KDM4B: variants seen among roughly 807,000 people sequenced by gnomAD.
KDM4B encodes the protein lysine demethylase 4B.
In KDM4B, 32 loss-of-function variants were observed where a neutral mutation model predicts 125.2. The observed-to-expected ratio is 0.26, with a 90% confidence interval of 0.19 to 0.34. The LOEUF is 0.34. Among genes scored for constraint, KDM4B ranks in the 10% least tolerant of loss-of-function variants. The pLI is 1.00. For missense variants in KDM4B, 1,190 were observed against 1,577.7 expected (o/e 0.75, Z 4.16); for synonymous variants, 721 against 677.9 (o/e 1.06, Z -0.99).
At chr19:4,983,304 C>T (rs931613311) in intron 1 of KDM4B, among the ~76,000 whole-genome samples, 13 of 152,106 alleles carry the variant, frequency 8.5e-5, no homozygotes, top group South Asian at 2.1e-4. Context: ...CCAGGGCCCA[C>T]GCTCCTTCCT....
chr19:5,113,889 GC>G (rs1238277905), intron 10 of KDM4B: 4 of 1,195,626 alleles, frequency 3.3e-6, no homozygotes, highest in Non-Finnish European at 4.2e-6. Context: ...TTTACCAGGT[GC>G]CCCATGGGGT....
At chr19:5,077,539 C>A in intron 8 of KDM4B, 69 bp downstream of exon 8, 1 of 1,303,132 alleles carries the variant, frequency 7.7e-7, no homozygotes, top group Non-Finnish European at 1.1e-6. Flanking sequence ...GGTGGCCGCA[C>A]ATACCCCAGG....
At chr19:5,046,585 G>A (rs1046270770) in intron 5 of KDM4B, among the ~76,000 whole-genome samples, 6 of 152,200 alleles carry the variant, frequency 3.9e-5, no homozygotes, top group African/African-American at 1.2e-4. Context: ...GAGCCTCTCC[G>A]GGGACTGCAG....
intron 5 of KDM4B, among the ~76,000 whole-genome samples, chr19:5,041,673 G>C (rs931862937): frequency 3.3e-5 from 5 of 152,224 alleles, no homozygotes; most frequent in Admixed American, 3.3e-4. Flanking sequence ...ACTGGGGTGA[G>C]GGGATCTCCC....
chr19:5,093,401 C>T (rs925300601), intron 9 of KDM4B, among the ~76,000 whole-genome samples: 1 of 152,196 alleles, frequency 6.6e-6, no homozygotes, highest in Non-Finnish European at 1.5e-5. Flanking sequence ...GGCAGGGAGC[C>T]GCTTTCTGTG....
rs926520482 is a variant in KDM4B, at chr19:5,142,248, C to G, written c.2551-1719C>G. On this transcript the variant is annotated intron_variant, in intron 18 of 22. Coordinates refer to ENST00000159111, the MANE Select transcript of KDM4B (RefSeq NM_015015.3). The surrounding 1 kb of genome is among the most constrained non-coding windows in gnomAD (Gnocchi z 5.4). ...CCCACGGGCCGTAGACCCTGACTCC[C>G]CGGCACACACTGGCCTGGGCCAGGC... 3.6e-4 allele frequency among the ~76,000 whole-genome samples: 55 copies of G among 152,230 alleles called. No individual in the cohort carries two copies. Among genetic ancestry groups the G allele is most frequent in the Non-Finnish European group, 1.5e-5 (1 of 67,988 alleles).
chr19:5,033,805 C>A (rs2036533588), intron 3 of KDM4B, among the ~76,000 whole-genome samples: 1 of 152,152 alleles, frequency 6.6e-6, no homozygotes, highest in Admixed American at 6.5e-5. Context: ...ACACAGCAGA[C>A]CCCCGAACCC....
intron 13 of KDM4B, among the ~76,000 whole-genome samples, chr19:5,133,340 G>A (rs2039591554): frequency 6.6e-6 from 1 of 152,162 alleles, no homozygotes; most frequent in Non-Finnish European, 1.5e-5. Context: ...CCTGGTCACG[G>A]CCCCTCCTGA....
In KDM4B at chr19:5,087,404, G is replaced by A. The variant is rs556995024; in HGVS notation, c.918+4900G>A. On this transcript the variant is annotated intron_variant, in intron 9 of 22. Coordinates refer to ENST00000159111, the MANE Select transcript of KDM4B (RefSeq NM_015015.3). Reference sequence around the variant, plus strand: ...TCCTGCTCATCCCCTATGAAACCTGGTGTCATGGACCTGCTCCCCTCGGGG... The same window carrying A: ...TCCTGCTCATCCCCTATGAAACCTGATGTCATGGACCTGCTCCCCTCGGGG... Among the ~76,000 whole-genome samples the A allele has an allele frequency of 4.6e-5, 7 of 152,306 alleles. No homozygotes were observed. In the South Asian group the frequency reaches 1.5e-3, roughly 32 times the overall value.
In KDM4B at chr19:5,017,942, G is replaced by A. The variant is rs199690079; in HGVS notation, c.-26+1603G>A. Among the ~76,000 whole-genome samples, 144 of 152,126 alleles carry A rather than the reference G, an allele frequency of 9.5e-4. 3 individuals are homozygous for A. The highest frequency in any genetic ancestry group is 2.1e-3 in the East Asian group (11 of 5,164). On this transcript the variant is annotated intron_variant, in intron 2 of 22. Transcript: ENST00000159111. ...TTTTCAGTAGAGATGGGGTTTCACC[G>A]TGTTAGCCAGGATGGTCTCCATTTC...
At chr19:5,060,332 G>A (rs1338447723) in intron 6 of KDM4B, among the ~76,000 whole-genome samples, 5 of 150,522 alleles carry the variant, frequency 3.3e-5, no homozygotes, top group South Asian at 2.1e-4. Flanking sequence ...CCAGCTACTC[G>A]GGAGGCTGAG....
At chr19:5,143,097 G>A (rs1478889758) in intron 18 of KDM4B, among the ~76,000 whole-genome samples, 13 of 152,098 alleles carry the variant, frequency 8.5e-5, no homozygotes, top group Admixed American at 4.6e-4. Context: ...AGGTCAAGGC[G>A]GGAGGATCCC....
intron 21 of KDM4B, 87 bp from the exon 22 acceptor site, chr19:5,150,271 G>A: frequency 1.8e-6 from 2 of 1,134,736 alleles, no homozygotes; most frequent in Non-Finnish European, 2.6e-6. Flanking sequence ...CAAGGGGGCT[G>A]GCCTCCCAGC....
At chr19:5,135,686 C>G (rs1397533515) in intron 15 of KDM4B, 125 bp downstream of exon 15, 5 of 790,272 alleles carry the variant, frequency 6.3e-6, no homozygotes, top group Non-Finnish European at 9.8e-6. Context: ...GCTGCACTTT[C>G]AGGGCCAGGG....
In KDM4B at chr19:5,016,310, AT is replaced by A. The variant is rs1287705474; in HGVS notation, c.-54del. 6.6e-6 allele frequency: 1 copy of A among 152,234 alleles called. No homozygotes were observed. Among genetic ancestry groups the A allele is most frequent in the Non-Finnish European group, 1.5e-5 (1 of 68,048 alleles). The allele number at this position is 152,234 out of a possible 1,614,324, so 9.4% of individuals were successfully genotyped here. A position where few individuals can be genotyped will look rare whatever the true frequency, so the allele number is the denominator to read the frequency against. On this transcript the variant is annotated 5_prime_UTR_variant, in exon 2 of 23. Coordinates refer to ENST00000159111, the MANE Select transcript of KDM4B (RefSeq NM_015015.3). Reference sequence around the variant, plus strand: ...ACAAATCCTAGCGAATTTTTGGAGCATCTCCACCCAGGAACCTCGCCATCCA... The same window carrying A: ...ACAAATCCTAGCGAATTTTTGGAGCACTCCACCCAGGAACCTCGCCATCCA...
intron 3 of KDM4B, among the ~76,000 whole-genome samples, chr19:5,039,089 C>T (rs959861338): frequency 6.6e-6 from 1 of 152,244 alleles, no homozygotes; most frequent in African/African-American, 2.4e-5. Context: ...TTCTCACTTC[C>T]TGCTGCCAGA....
rs56251289 is a variant in KDM4B, at chr19:5,042,721, C to T, written c.432+1470C>T. Among the ~76,000 whole-genome samples the T allele has an allele frequency of 2.7e-5, 4 of 150,814 alleles. No homozygotes were observed. In the South Asian group the frequency reaches 6.4e-4, roughly 24 times the overall value. ...TAGGCTTTTCAACAGCCAGGTTTCG[C>T]GAGCACTCACTGCCCTGAGGACAGC... is the stretch of plus-strand genomic sequence containing the variant. On this transcript the variant is annotated intron_variant, in intron 5 of 22. Coordinates refer to ENST00000159111, the MANE Select transcript of KDM4B (RefSeq NM_015015.3).
At chr19:5,116,265 T>G in intron 10 of KDM4B, among the ~76,000 whole-genome samples, 1 of 122,976 alleles carries the variant, frequency 8.1e-6, no homozygotes, top group Non-Finnish European at 1.7e-5. Flanking sequence ...AAAAAAAAAT[T>G]ATAAAGAATA....
rs59926464 is a variant in KDM4B, at chr19:5,101,629, C to T, written c.919-8993C>T. 2.7e-3 allele frequency among the ~76,000 whole-genome samples: 372 copies of T among 138,644 alleles called. 5 individuals carry two copies. The highest frequency in any genetic ancestry group is 9.3e-3 in the African/African-American group (344 of 37,162). The allele number at this position is 138,644 out of a possible 152,430, so 91.0% of individuals were successfully genotyped here. ...AGGGGATAGCGGGGAGGGCCTCACT[C>T]GGTGCTTTACCCGGGGAGGTCTGGG... is the stretch of plus-strand genomic sequence containing the variant. On this transcript the variant is annotated intron_variant, in intron 9 of 22. Coordinates refer to ENST00000159111, the MANE Select transcript of KDM4B (RefSeq NM_015015.3).
Sources: allele counts gnomAD v4.1 joint callset (sites outside exome capture counted in the v4.1 genomes callset), GRCh38; gene constraint gnomAD v4.1.1; non-coding constraint Gnocchi (gnomAD v3.1); transcripts MANE v1.5; gene names NCBI Gene and HGNC (gene_info 2026-07-23, HGNC 2026-07-21).